The following SVIL variants were observed in gnomAD, a reference collection of about 807,000 sequenced individuals.
The protein encoded by SVIL is supervillin.
A neutral mutation model predicts 240.4 loss-of-function variants in SVIL; 101 were observed. The ratio of observed to expected loss-of-function variants is 0.42; its 90% confidence interval spans 0.36 to 0.50. The LOEUF (loss-of-function observed/expected upper bound fraction) is 0.50. Among genes scored for constraint, SVIL ranks in the 20% least tolerant of loss-of-function variants. The pLI is 0.01. For synonymous variants in SVIL, 999 were observed against 1,100.0 expected (o/e 0.91, Z 1.82); for missense variants, 2,512 against 2,818.7 (o/e 0.89, Z 2.46).
chr10:29,507,189 G>T (rs796085388), intron 17 of SVIL, among the ~76,000 whole-genome samples: 13 of 152,020 alleles, frequency 8.6e-5, no homozygotes, highest in East Asian at 1.9e-4. Context: ...GCCTCCCCTC[G>T]CTGAGTCTTC....
Position 29,535,597 on chromosome 10 carries a change from TGGGAG to T in SVIL, c.908+387_908+391del, listed in dbSNP as rs1951686001. 3.3e-5 allele frequency among the ~76,000 whole-genome samples: 5 copies of T among 152,304 alleles called. No homozygotes were observed. The South Asian group carries it at 8.3e-4, about 25-fold the overall frequency. On this transcript the variant is annotated intron_variant, in intron 7 of 37. Transcript: ENST00000355867. ...ATGAAAGCAAGGAGGCTGGAAGGGC[TGGGAG>T]CAGTGGGAAGCTGAGCAGATGGGAC...
chr10:29,507,214 A>G (rs1389051571), intron 17 of SVIL, among the ~76,000 whole-genome samples: 1 of 151,982 alleles, frequency 6.6e-6, no homozygotes, highest in Non-Finnish European at 1.5e-5. Context: ...CTGTCCCTCC[A>G]CACCCCAAAC....
At chr10:29,704,949 T>C (rs1229067107) in intron 1 of SVIL, among the ~76,000 whole-genome samples, 2 of 152,232 alleles carry the variant, frequency 1.3e-5, no homozygotes, top group Non-Finnish European at 2.9e-5. Flanking sequence ...TTCTCGCTTA[T>C]GTAACAGATT....
At chr10:29,469,454 C>T (rs1258552914) in intron 32 of SVIL, among the ~76,000 whole-genome samples, 2 of 152,210 alleles carry the variant, frequency 1.3e-5, no homozygotes, top group Non-Finnish European at 2.9e-5. Context: ...AAGCTCTTCA[C>T]TTTTCCTCAC....
rs574337937 is a variant in SVIL at position 29,486,232 on chromosome 10, T to G, written c.4634-2A>C. On this transcript the variant is annotated splice_acceptor_variant, in intron 25 of 37. Transcript: ENST00000355867. LOFTEE classifies it high-confidence loss of function. ...CATCTTCTTTTGGGTCTCCAGCAGC[T>G]TGGGGATAAGAAGAACAGGAGAGCA... 6.2e-7 allele frequency: 1 copy of G among 1,614,116 alleles called. No individual in the cohort carries two copies. The highest frequency in any genetic ancestry group is 1.3e-5 in the African/African-American group (1 of 75,040).
rs759095639 is a variant in SVIL at position 29,481,564 on chromosome 10, A to G, written c.5100+20T>C. On this transcript the variant is annotated intron_variant, in intron 28 of 37. Transcript: ENST00000355867. ...GACCCGAACCAAGCCCCGAGTTTTGAGGCTTGGTCGCCGGAATACCTTGTG... is the reference window on the plus strand; with the variant it reads ...GACCCGAACCAAGCCCCGAGTTTTGGGGCTTGGTCGCCGGAATACCTTGTG... 1.1e-5 allele frequency: 18 copies of G among 1,611,770 alleles called. No individual in the cohort carries two copies. Among genetic ancestry groups the G allele is most frequent in the Non-Finnish European group, 1.4e-5 (17 of 1,179,484 alleles).
intron 2 of SVIL, among the ~76,000 whole-genome samples, chr10:29,684,638 C>T (rs896705199): frequency 1.2e-4 from 18 of 152,072 alleles, no homozygotes; most frequent in East Asian, 3.9e-4. Flanking sequence ...TGCCCCCAAA[C>T]GCAATAGATG....
chr10:29,480,587 T>C lies in SVIL; in HGVS notation c.5327A>G (p.His1776Arg), dbSNP rs767883010. The change falls in exon 29 of 38, where the codon CAT becomes CGT. Residue 1776 changes from histidine (H) to arginine (R), a missense_variant. His to Arg is a conservative substitution (Grantham distance 29). Coordinates refer to ENST00000355867, the MANE Select transcript of SVIL (RefSeq NM_021738.3). ...RLPKQSIGQF[H>R]EGDAYVVKWK... Reference sequence around the variant, plus strand: ...CTTGACCACATAGGCATCCCCCTCATGGAACTGCCCGATGCTTTGTTTGGG... The same window carrying C: ...CTTGACCACATAGGCATCCCCCTCACGGAACTGCCCGATGCTTTGTTTGGG... The C allele has an allele frequency of 1.9e-6, 3 of 1,613,998 alleles. No individual in the cohort carries two copies. The highest frequency in any genetic ancestry group is 2.5e-6 in the Non-Finnish European group (3 of 1,180,028).
intron 1 of SVIL, among the ~76,000 whole-genome samples, chr10:29,713,218 A>G (rs915957909): frequency 6.6e-6 from 1 of 151,824 alleles, no homozygotes; most frequent in Non-Finnish European, 1.5e-5. Flanking sequence ...GGTAATCAAG[A>G]GAGGAATTCA....
chr10:29,520,362 C>T (rs7089591), intron 16 of SVIL, among the ~76,000 whole-genome samples: 22,505 of 152,072 alleles, frequency 0.15, 2,388 homozygotes, highest in African/African-American at 0.3. Context: ...TCTCTTTGAG[C>T]CCCATTTTCG....
At chr10:29,613,285 T>G (rs1362288877) in intron 1 of SVIL, among the ~76,000 whole-genome samples, 1 of 152,056 alleles carries the variant, frequency 6.6e-6, no homozygotes, top group Admixed American at 6.6e-5. Flanking sequence ...TAAATAGGTC[T>G]GGGTGGGGAC....
intron 2 of SVIL, among the ~76,000 whole-genome samples, chr10:29,676,603 G>A (rs1960226024): frequency 6.6e-6 from 1 of 152,184 alleles, no homozygotes. Flanking sequence ...AAATCCACAA[G>A]GGTTTGGCTG....
chr10:29,467,849 C>T lies in SVIL; in HGVS notation c.5870G>A (p.Ser1957Asn). Reference protein sequence around the residue: ...EQCPLEAGLHSSSKVTIHECD... With the variant: ...EQCPLEAGLHNSSKVTIHECD... ...CTCGTGTATTGTGACTTTGCTGCTA[C>T]TATGCAGTCCTGCTTCCAGGGGACA... Residue 1957 changes from serine (S) to asparagine (N), a missense_variant, in exon 33 of 38, where the codon AGT (serine) becomes AAT (asparagine). By Grantham distance (46) the Ser-to-Asn change is conservative. This residue lies in a region of SVIL where 797 missense variants were observed against 925.3 expected (regional missense o/e 0.86). Transcript: ENST00000355867. 2 of 1,614,194 alleles carry T rather than the reference C, an allele frequency of 1.2e-6. No homozygotes were observed. The highest frequency in any genetic ancestry group is 8.5e-7 in the Non-Finnish European group (1 of 1,180,040).
intron 3 of SVIL, among the ~76,000 whole-genome samples, chr10:29,655,434 G>C (rs1358267421): frequency 6.6e-6 from 1 of 152,184 alleles, no homozygotes; most frequent in Non-Finnish European, 1.5e-5. Flanking sequence ...AGAGGAAACA[G>C]AGCCAGAAGA....
intron 3 of SVIL, among the ~76,000 whole-genome samples, chr10:29,645,181 T>C (rs1011776059): frequency 2.0e-5 from 3 of 152,118 alleles, no homozygotes; most frequent in Non-Finnish European, 4.4e-5. Flanking sequence ...ATTCCTACAG[T>C]GCCATCAAAT....
rs1950631554 is a variant in SVIL at position 29,522,598 on chromosome 10, C to A, written c.3201G>T (p.Gly1067=). The change falls in exon 16 of 38, where the codon GGG becomes GGT. Residue 1067 remains glycine, a synonymous_variant. Coordinates refer to ENST00000355867, the MANE Select transcript of SVIL (RefSeq NM_021738.3). ...GAGCAATAGTTTTCCCAGCAGCTGTCCCCGTCTGCTCGGAAGTGGGCTCCC... is the reference window on the plus strand; with the variant it reads ...GAGCAATAGTTTTCCCAGCAGCTGTACCCGTCTGCTCGGAAGTGGGCTCCC... ...EFGEPTSEQT[G]TAAGKTIAQT... 1.2e-6 allele frequency: 2 copies of A among 1,614,182 alleles called. No individual in the cohort carries two copies. Among genetic ancestry groups the A allele is most frequent in the East Asian group, 4.5e-5 (2 of 44,882 alleles).
At chr10:29,656,770 G>A (rs373007610) in intron 3 of SVIL, among the ~76,000 whole-genome samples, 9 of 152,104 alleles carry the variant, frequency 5.9e-5, no homozygotes, top group Non-Finnish European at 1.2e-4. Context: ...CCATCTCCTC[G>A]GCTGCAGCAC....
chr10:29,513,177 C>G (rs926329239), intron 16 of SVIL, among the ~76,000 whole-genome samples: 4 of 152,148 alleles, frequency 2.6e-5, no homozygotes, highest in African/African-American at 9.7e-5. Context: ...AGAACCGTCC[C>G]CAGAGAAAAA....
At chr10:29,725,822 A>G (rs764836169) in intron 1 of SVIL, among the ~76,000 whole-genome samples, 5 of 152,240 alleles carry the variant, frequency 3.3e-5, no homozygotes, top group Non-Finnish European at 7.3e-5. Context: ...ATGCATAATT[A>G]CAGACACTGA....
Sources: allele counts gnomAD v4.1 joint callset (sites outside exome capture counted in the v4.1 genomes callset), GRCh38; gene constraint gnomAD v4.1.1; regional missense constraint gnomAD v4.1.1; transcripts MANE v1.5; gene names NCBI Gene and HGNC (gene_info 2026-07-23, HGNC 2026-07-21).